Variants in SZT2 observed in about 807,000 individuals in gnomAD.
The protein encoded by SZT2 is SZT2 subunit of KICSTOR complex.
Under a neutral mutation model 404.2 loss-of-function variants are expected in SZT2, and 216 were observed. The ratio of observed to expected loss-of-function variants is 0.53; its 90% confidence interval spans 0.48 to 0.60. SZT2 has a LOEUF of 0.60. Ranked by LOEUF, SZT2 falls within the 20% of genes least tolerant of loss-of-function variation. The pLI, the probability that SZT2 is intolerant of heterozygous loss-of-function variation, is 0.00. For missense variants in SZT2, 3,857 were observed against 4,459.2 expected, an observed-to-expected ratio of 0.86 and a Z score of 3.85; for synonymous variants, 1,693 against 1,749.9, an observed-to-expected ratio of 0.97 and a Z score of 0.81.
intron 1 of SZT2, among the ~76,000 whole-genome samples, chr1:43,398,973 A>G (rs942059777): frequency 1.3e-5 from 2 of 152,052 alleles, no homozygotes; most frequent in African/African-American, 4.8e-5. Flanking sequence ...CCAGCTACTC[A>G]GGAGGCTGAG....
chr1:43,415,357 A>G, intron 5 of SZT2, 144 bp downstream of exon 5: 1 of 966,446 alleles, frequency 1.0e-6, no homozygotes, highest in South Asian at 1.7e-5. Flanking sequence ...TGCTCATGAC[A>G]CACTCCCTGT....
Position 43,453,433 on chromosome 1 carries a change from C to T in SZT2, c.*2953C>T, listed in dbSNP as rs751640782. 11 of 1,563,082 alleles carry T rather than the reference C, an allele frequency of 7.0e-6. No individual in the cohort carries two copies. The South Asian group carries it at 1.2e-4, about 17-fold the overall frequency. On this transcript the variant is annotated 3_prime_UTR_variant, in exon 72 of 72. Coordinates refer to ENST00000634258, the MANE Select transcript of SZT2 (RefSeq NM_001365999.1). ...CATACCGCACGGCCTGCTCCAGTCC[C>T]TCTCGGAAGGCCGCCTGTCTCCCGG... is the stretch of plus-strand genomic sequence containing the variant.
At chr1:43,401,401 GA>G (rs1381976259) in intron 1 of SZT2, among the ~76,000 whole-genome samples, 1 of 152,198 alleles carries the variant, frequency 6.6e-6, no homozygotes, top group African/African-American at 2.4e-5. Context: ...CTAATAAGTG[GA>G]TGAATTGGGA....
intron 38 of SZT2, 45 bp from the exon 39 acceptor site, chr1:43,432,683 A>G: frequency 1.2e-6 from 2 of 1,613,434 alleles, no homozygotes; most frequent in Non-Finnish European, 8.5e-7. Flanking sequence ...GGGAGGCCCT[A>G]GACAGGATTG....
At position 43,439,314 on chromosome 1, in the gene SZT2, T is replaced by TC; in HGVS notation, c.6793-42dup. ...TGGGCACCCATCCCCGAGGGTTTTG[T>TC]CCATTTGCTTGCTCTTAGTGCTCTG... is the stretch of plus-strand genomic sequence containing the variant. On this transcript the variant is annotated intron_variant, in intron 48 of 71. Coordinates refer to ENST00000634258, the MANE Select transcript of SZT2 (RefSeq NM_001365999.1). The surrounding 1 kb of genome is among the most constrained non-coding windows in gnomAD (Gnocchi z 4.2). The TC allele has an allele frequency of 1.9e-6, 3 of 1,607,248 alleles. No individual in the cohort carries two copies. Among genetic ancestry groups the TC allele is most frequent in the Non-Finnish European group, 2.6e-6 (3 of 1,174,100 alleles).
At chr1:43,431,931 A>T (rs773701858) in intron 36 of SZT2, 30 bp downstream of exon 36, 1 of 1,612,158 alleles carries the variant, frequency 6.2e-7, no homozygotes, top group Non-Finnish European at 8.5e-7. Context: ...CTGCAGGGTC[A>T]CCTTGGGGCC....
At position 43,443,017 on chromosome 1, in the gene SZT2, C is replaced by G; in HGVS notation, c.8350C>G (p.Pro2784Ala). ...CCCCAGCTCCGTACTTGGTCCTGTG[C>G]CCAGACCTCCTGATCCTGTCACCTA... The part of the protein sequence containing the change: ...ARPSSVLGPV[P>A]RPPDPVTYHG... The change falls in exon 59 of 72, where the codon CCC (proline) becomes GCC (alanine). Residue 2784 changes from proline (P) to alanine (A), a missense_variant. By Grantham distance (27) the Pro-to-Ala change is conservative. This residue lies in a region of SZT2 where 717 missense variants were observed against 868.2 expected (regional missense o/e 0.83). Coordinates refer to ENST00000634258, the MANE Select transcript of SZT2 (RefSeq NM_001365999.1). 1 of 1,614,050 alleles carries G rather than the reference C, an allele frequency of 6.2e-7. No homozygotes were observed. Among genetic ancestry groups the G allele is most frequent in the Non-Finnish European group, 8.5e-7 (1 of 1,179,962 alleles).
rs939396005 is a variant in SZT2, at chr1:43,439,384, C to T, written c.6819C>T (p.Leu2273=). ...FQHPLPPQGG[L]PDLDIYLYNK... is the part of the protein sequence containing the mutation. Reference sequence around the variant, plus strand: ...ATCCACTCCCACCACAGGGTGGCCTCCCTGACTTGGACATCTACTTGTATA... The same window carrying T: ...ATCCACTCCCACCACAGGGTGGCCTTCCTGACTTGGACATCTACTTGTATA... Residue 2273 remains leucine, a synonymous_variant, in exon 49 of 72, where the codon CTC becomes CTT. Transcript: ENST00000634258. The surrounding 1 kb of genome is among the most constrained non-coding windows in gnomAD (Gnocchi z 4.2). The T allele has an allele frequency of 3.7e-6, 6 of 1,613,886 alleles. No homozygotes were observed. In the South Asian group the frequency reaches 5.5e-5, roughly 15 times the overall value.
chr1:43,445,911 C>T lies in SZT2; in HGVS notation c.8843C>T (p.Ala2948Val). 6.2e-7 allele frequency: 1 copy of T among 1,614,240 alleles called. No individual in the cohort carries two copies. Among genetic ancestry groups the T allele is most frequent in the Non-Finnish European group, 8.5e-7 (1 of 1,180,038 alleles). ...SPARSTSRPR[A>V]MAILGTEGRG... is the part of the protein sequence containing the mutation. ...TTCTATAGCACCAGCCGGCCACGGGCCATGGCTATCCTTGGAACAGAGGGT... is the reference window on the plus strand; with the variant it reads ...TTCTATAGCACCAGCCGGCCACGGGTCATGGCTATCCTTGGAACAGAGGGT... The change falls in exon 63 of 72, where the codon GCC (alanine) becomes GTC (valine). Residue 2948 changes from alanine to valine, a missense_variant. Coordinates refer to ENST00000634258, the MANE Select transcript of SZT2 (RefSeq NM_001365999.1).
Position 43,439,346 on chromosome 1 carries a change from T to C in SZT2, c.6793-12T>C, listed in dbSNP as rs768235375. 5 of 1,613,192 alleles carry C rather than the reference T, an allele frequency of 3.1e-6. No homozygotes were observed. The highest frequency in any genetic ancestry group is 4.2e-6 in the Non-Finnish European group (5 of 1,179,862). On this transcript the variant is annotated splice_polypyrimidine_tract_variant and intron_variant, in intron 48 of 71. Coordinates refer to ENST00000634258, the MANE Select transcript of SZT2 (RefSeq NM_001365999.1). The surrounding 1 kb of genome is among the most constrained non-coding windows in gnomAD (Gnocchi z 4.2). Reference sequence around the variant, plus strand: ...GCTTGCTCTTAGTGCTCTGTGGCTGTTCTTTCCCCAGCATCCACTCCCACC... The same window carrying C: ...GCTTGCTCTTAGTGCTCTGTGGCTGCTCTTTCCCCAGCATCCACTCCCACC...
intron 29 of SZT2, 55 bp downstream of exon 29, chr1:43,429,899 G>A (rs1300402623): frequency 1.2e-6 from 2 of 1,612,538 alleles, no homozygotes; most frequent in East Asian, 4.5e-5. Flanking sequence ...TGTGCAGAGG[G>A]ACAGGATTCT....
At chr1:43,445,608 C>T (rs370745782) in intron 62 of SZT2, 3 of 476,394 alleles carry the variant, frequency 6.3e-6, no homozygotes, top group Non-Finnish European at 1.1e-5. Flanking sequence ...CTTCCCCCTT[C>T]TCTTTCCTGC....
In SZT2 at chr1:43,453,619, G is replaced by A. The variant is rs1656703693; in HGVS notation, c.*3139G>A. ...CCCGGGGGCGTGTTGATCAGTACAAGCCGCAGCCCCGCTTCTCGCGCGGCG... is the reference window on the plus strand; with the variant it reads ...CCCGGGGGCGTGTTGATCAGTACAAACCGCAGCCCCGCTTCTCGCGCGGCG... On this transcript the variant is annotated 3_prime_UTR_variant, in exon 72 of 72. Transcript: ENST00000634258. The A allele has an allele frequency of 6.7e-7, 1 of 1,500,524 alleles. No homozygotes were observed. Among genetic ancestry groups the A allele is most frequent in the East Asian group, 2.8e-5 (1 of 36,204 alleles). 93.0% of individuals were successfully genotyped at this position (1,500,524 alleles called of 1,614,324 possible). A position where few individuals can be genotyped will look rare whatever the true frequency, so the allele number is the denominator to read the frequency against.
In SZT2 at chr1:43,430,614, C is replaced by T. The variant is rs200228680; in HGVS notation, c.4599C>T (p.Asp1533=). The change falls in exon 32 of 72, where the codon GAC becomes GAT. Residue 1533 remains aspartate, a synonymous_variant. Transcript: ENST00000634258. ...PAGLDSASLS[D]VDTVNPDEDS... ...GGCTAGACTCTGCCTCGCTGTCAGA[C>T]GTAGACACTGTGAATCCTGATGAAG... The T allele has an allele frequency of 3.1e-5, 50 of 1,614,070 alleles. 1 individual carries two copies. The highest frequency in any genetic ancestry group is 2.7e-4 in the Admixed American group (16 of 60,008).
chr1:43,421,821 G>A (rs1311807998), intron 11 of SZT2, among the ~76,000 whole-genome samples: 2 of 152,220 alleles, frequency 1.3e-5, no homozygotes, highest in Non-Finnish European at 2.9e-5. Context: ...CTCCCAAGTC[G>A]GTGACATAAG....
In SZT2 at chr1:43,415,956, G is replaced by A; in HGVS notation, c.631-4G>A. Reference sequence around the variant, plus strand: ...CATTCTGTCTTTTCTGTAACTTGGGGCAGGCAGAAGACCAGTCCCCAGACT... The same window carrying A: ...CATTCTGTCTTTTCTGTAACTTGGGACAGGCAGAAGACCAGTCCCCAGACT... On this transcript the variant is annotated splice_region_variant and splice_polypyrimidine_tract_variant and intron_variant, in intron 5 of 71. Transcript: ENST00000634258. The A allele has an allele frequency of 6.3e-7, 1 of 1,595,742 alleles. No homozygotes were observed. The highest frequency in any genetic ancestry group is 1.1e-5 in the South Asian group (1 of 90,548).
chr1:43,395,231 G>A (rs1648854082), intron 1 of SZT2, among the ~76,000 whole-genome samples: 2 of 152,138 alleles, frequency 1.3e-5, no homozygotes, highest in African/African-American at 2.4e-5. Flanking sequence ...TCAACCTTCA[G>A]CATCACTTTC....
In SZT2 at chr1:43,416,628, G is replaced by A; in HGVS notation, c.866G>A (p.Cys289Tyr). Residue 289 changes from cysteine (C) to tyrosine (Y), a missense_variant, in exon 7 of 72, where the codon TGT becomes TAT. By Grantham distance (194) the Cys-to-Tyr change is radical. This residue lies in a region of SZT2 where 536 missense variants were observed against 637.4 expected (regional missense o/e 0.84). Transcript: ENST00000634258. ...LNQLRSGTVA[C>Y]SFVQVGGVYS... ...CAGCTTCGCAGTGGCACTGTGGCTT[G>A]TTCCTTTGTCCAGGTGAGGACTTTT... The A allele has an allele frequency of 6.3e-7, 1 of 1,597,572 alleles. No individual in the cohort carries two copies. The highest frequency in any genetic ancestry group is 8.5e-7 in the Non-Finnish European group (1 of 1,179,504).
At position 43,425,739 on chromosome 1, in the gene SZT2, A is replaced by C; in HGVS notation, c.2815-96A>C. On this transcript the variant is annotated intron_variant, in intron 19 of 71. Transcript: ENST00000634258. The surrounding 1 kb of genome is among the most constrained non-coding windows in gnomAD (Gnocchi z 4.3). ...GTCTGTGGGCTTCCTGGTCCCTCTG[A>C]ATGGCTGGGACTGTTGAAGCTTCCT... 6.3e-7 allele frequency: 1 copy of C among 1,594,966 alleles called. No individual in the cohort carries two copies. The highest frequency in any genetic ancestry group is 8.6e-7 in the Non-Finnish European group (1 of 1,167,212).
Sources: gnomAD v4.1 joint callset for allele counts (sites outside exome capture counted in the v4.1 genomes callset) on GRCh38, gnomAD v4.1.1 for gene constraint, gnomAD v4.1.1 regional missense constraint, Gnocchi (gnomAD v3.1) non-coding constraint, MANE v1.5 for transcripts, NCBI Gene and HGNC (gene_info 2026-07-23, HGNC 2026-07-21) for gene names.